Variants in TMEM220 observed in about 807,000 individuals in gnomAD.
The protein encoded by TMEM220 is transmembrane protein 220.
A neutral mutation model predicts 21.7 loss-of-function variants in TMEM220; 21 were observed. The ratio of observed to expected loss-of-function variants is 0.97; its 90% CI spans 0.69 to 1.39. The LOEUF is 1.39. Ranked by LOEUF, TMEM220 falls within the 40% of genes most tolerant of loss-of-function variation. The pLI is 0.00. For missense variants in TMEM220, 191 were observed against 201.9 expected (o/e 0.95, Z 0.33); for synonymous variants, 80 against 73.6 (o/e 1.09, Z -0.45).
intron 5 of TMEM220, among the ~76,000 whole-genome samples, chr17:10,721,030 G>A (rs894623628): frequency 6.6e-6 from 1 of 152,164 alleles, no homozygotes; most frequent in African/African-American, 2.4e-5. Context: ...ATGTATATGT[G>A]TACGTGTATA....
intron 3 of TMEM220, 61 bp from the exon 4 acceptor site, chr17:10,725,195 G>T: frequency 1.3e-6 from 2 of 1,589,552 alleles, no homozygotes; most frequent in East Asian, 4.5e-5. Flanking sequence ...AAAAAAAAAT[G>T]ATCTTTTTGT....
rs1423989914 is a variant in TMEM220 at position 10,713,670 on chromosome 17, GACCCTTAAGTTTC to G, written c.*1770_*1782del. ...TCAAATCCTTTATGTGTATTTTACT[GACCCTTAAGTTTC>G]ACTTTGACTGTTTTAATATCAACTA... On this transcript the variant is annotated 3_prime_UTR_variant, in exon 6 of 6. Transcript: ENST00000341871. 2 of 152,060 alleles carry G rather than the reference GACCCTTAAGTTTC, an allele frequency of 1.3e-5. No homozygotes were observed. The highest frequency in any genetic ancestry group is 6.5e-5 in the Admixed American group (1 of 15,274). 9.4% of individuals were successfully genotyped at this position (152,060 alleles called of 1,614,324 possible).
In TMEM220 at chr17:10,713,558, T is replaced by G. The variant is rs202204282; in HGVS notation, c.*1895A>C. The stretch of plus-strand genomic sequence containing the variant: ...AGGGAATTTGCAAATGAGTCTGTTT[T>G]TTTTTTGCATGTGACTTCAGTAGTT... On this transcript the variant is annotated 3_prime_UTR_variant, in exon 6 of 6. Transcript: ENST00000341871. 1 of 151,752 alleles carries G rather than the reference T, an allele frequency of 6.6e-6. No individual in the cohort carries two copies. The highest frequency in any genetic ancestry group is 1.5e-5 in the Non-Finnish European group (1 of 67,942). The allele number at this position is 151,752 out of a possible 1,614,324, so 9.4% of individuals were successfully genotyped here. A position where few individuals can be genotyped will look rare whatever the true frequency, so the allele number is the denominator to read the frequency against.
intron 3 of TMEM220, 23 bp from the exon 4 acceptor site, chr17:10,725,157 T>C (rs1224961270): frequency 6.2e-7 from 1 of 1,612,420 alleles, no homozygotes; most frequent in East Asian, 2.2e-5. Flanking sequence ...GTTCTGATGT[T>C]GTTAACCACG....
At chr17:10,712,354 T>G (rs567623696), downstream of TMEM220, among the ~76,000 whole-genome samples, 1 of 152,304 alleles carries the variant, frequency 6.6e-6, no homozygotes, top group South Asian at 2.1e-4. Flanking sequence ...AACCAGATAA[T>G]CCAGGTAACC....
chr17:10,720,158 T>C (rs183394415), intron 5 of TMEM220, among the ~76,000 whole-genome samples: 28 of 152,304 alleles, frequency 1.8e-4, no homozygotes, highest in African/African-American at 2.6e-4. Flanking sequence ...CGGGAGTATA[T>C]AGAAATATGA....
At chr17:10,728,907 G>T in intron 2 of TMEM220, 124 bp downstream of exon 2, 1 of 1,046,774 alleles carries the variant, frequency 9.6e-7, no homozygotes, top group Non-Finnish European at 1.5e-6. Flanking sequence ...CTTCCCAAGG[G>T]TTTGATTTTT....
chr17:10,712,153 G>A (rs950309430), downstream of TMEM220, among the ~76,000 whole-genome samples: 3 of 152,192 alleles, frequency 2.0e-5, no homozygotes, highest in Admixed American at 1.3e-4. Context: ...GGTCTAGGAC[G>A]AATCCTTTTC....
intron 5 of TMEM220, among the ~76,000 whole-genome samples, chr17:10,718,013 G>C (rs1319045518): frequency 2.0e-5 from 3 of 151,998 alleles, no homozygotes; most frequent in African/African-American, 7.3e-5. Flanking sequence ...GTAGAGATGG[G>C]GTTTCACCAT....
At chr17:10,729,177 C>A (rs1472679534) in intron 1 of TMEM220, 117 bp from the exon 2 acceptor site, 2 of 1,181,364 alleles carry the variant, frequency 1.7e-6, no homozygotes, top group East Asian at 2.4e-5. Context: ...CAATAGGCAT[C>A]GAGGGTACAA....
chr17:10,729,877 G>A lies in TMEM220; in HGVS notation c.-26C>T, dbSNP rs1326247873. On this transcript the variant is annotated 5_prime_UTR_variant, in exon 1 of 6. Transcript: ENST00000341871. ...GGCTCGGAGAACACGGCGCGGGGCG[G>A]TGAGTCCTGCCACGTGCGGGGCGGT... is the stretch of plus-strand genomic sequence containing the variant. The A allele has an allele frequency of 7.8e-7, 1 of 1,289,920 alleles. No homozygotes were observed. Among genetic ancestry groups the A allele is most frequent in the Non-Finnish European group, 9.8e-7 (1 of 1,021,436 alleles). 79.9% of individuals were successfully genotyped at this position (1,289,920 alleles called of 1,614,324 possible).
intron 5 of TMEM220, among the ~76,000 whole-genome samples, chr17:10,722,280 C>T (rs1404923645): frequency 6.6e-6 from 1 of 152,212 alleles, no homozygotes; most frequent in Non-Finnish European, 1.5e-5. Context: ...CAGGTGTGAG[C>T]CACCTCGCCT....
Position 10,714,919 on chromosome 17 carries a change from TA to T in TMEM220, c.*533del, listed in dbSNP as rs5819281. 193 of 147,586 alleles carry T rather than the reference TA, an allele frequency of 1.3e-3. No individual in the cohort carries two copies. Among genetic ancestry groups the T allele is most frequent in the Non-Finnish European group, 1.6e-3 (108 of 66,630 alleles). 9.1% of individuals were successfully genotyped at this position (147,586 alleles called of 1,614,324 possible). A position where few individuals can be genotyped will look rare whatever the true frequency, so the allele number is the denominator to read the frequency against. ...CCTGGGCAATAGAGTGGGACTGTCTTAAAAAAAAAAAAAGATCGGGGTATAG... is the reference window on the plus strand; with the variant it reads ...CCTGGGCAATAGAGTGGGACTGTCTTAAAAAAAAAAAAGATCGGGGTATAG... On this transcript the variant is annotated 3_prime_UTR_variant, in exon 6 of 6. Transcript: ENST00000341871.
At chr17:10,716,474 G>T (rs2074922887) in intron 5 of TMEM220, 1 of 676,020 alleles carries the variant, frequency 1.5e-6, no homozygotes, top group Non-Finnish European at 2.7e-6. Flanking sequence ...ACTTGCCCTT[G>T]TGCCCCACGT....
At chr17:10,716,463 A>T in intron 5 of TMEM220, 1 of 682,086 alleles carries the variant, frequency 1.5e-6, no homozygotes, top group Non-Finnish European at 2.7e-6. Flanking sequence ...CTCGTGGCTG[A>T]ACTTGCCCTT....
rs147529920 is a variant in TMEM220 at position 10,715,563 on chromosome 17, A to G, written c.373T>C (p.Leu125=). ...SKNPVGGRIQ[L]AIAIVITLFP... is the part of the protein sequence containing the mutation. ...AGTGTGATTACAATGGCAATAGCCA[A>G]TTGAATTCTTCCACCAACTGGATTC... The change falls in exon 6 of 6, where the codon TTG becomes CTG. Residue 125 remains leucine (L), a synonymous_variant. Transcript: ENST00000341871. 3,854 of 1,593,854 alleles carry G rather than the reference A, an allele frequency of 2.4e-3. 12 individuals are homozygous for G. Among genetic ancestry groups the G allele is most frequent in the Non-Finnish European group, 2.9e-3 (3,465 of 1,175,250 alleles).
chr17:10,728,793 C>G (rs540220845), intron 2 of TMEM220, among the ~76,000 whole-genome samples: 1 of 152,242 alleles, frequency 6.6e-6, no homozygotes, highest in South Asian at 2.1e-4. Context: ...GGCCATCTAA[C>G]CAAAGGGAAT....
downstream of TMEM220, among the ~76,000 whole-genome samples, chr17:10,711,777 A>G (rs1158729122): frequency 6.6e-6 from 1 of 152,240 alleles, no homozygotes; most frequent in East Asian, 1.9e-4. Context: ...GTGTGAAGCT[A>G]CAGCAGGTAA....
At chr17:10,728,558 G>A (rs550431379) in intron 2 of TMEM220, among the ~76,000 whole-genome samples, 1 of 152,198 alleles carries the variant, frequency 6.6e-6, no homozygotes, top group South Asian at 2.1e-4. Flanking sequence ...TGATCCACCC[G>A]CCTTGGCCTC....
Sources: gnomAD v4.1 joint callset for allele counts (sites outside exome capture counted in the v4.1 genomes callset) on GRCh38, gnomAD v4.1.1 for gene constraint, MANE v1.5 for transcripts, NCBI Gene and HGNC (gene_info 2026-07-23, HGNC 2026-07-21) for gene names.